Variants in MAST2 observed in about 807,000 individuals in gnomAD.
MAST2 encodes microtubule associated serine/threonine kinase 2.
Under a neutral mutation model 147.4 loss-of-function variants are expected in MAST2, and 70 were observed. That is an observed-to-expected ratio of 0.47 (90% CI 0.39 to 0.58). The LOEUF (loss-of-function observed/expected upper bound fraction) is 0.58. MAST2 is among the 20% of genes least tolerant of loss of function. MAST2 has a pLI of 0.00. For missense variants in MAST2, 2,080 were observed against 2,302.3 expected (o/e 0.90, Z 1.98); for synonymous variants, 869 against 896.8 (o/e 0.97, Z 0.55).
At chr1:45,947,323 A>C (rs1157229373) in intron 4 of MAST2, among the ~76,000 whole-genome samples, 5 of 151,856 alleles carry the variant, frequency 3.3e-5, no homozygotes, top group South Asian at 2.1e-4. Context: ...AAAAAAAAAA[A>C]AAAAAAAACC....
intron 21 of MAST2, 26 bp from the exon 22 acceptor site, chr1:46,030,581 C>T: frequency 1.3e-6 from 2 of 1,579,760 alleles, no homozygotes; most frequent in Non-Finnish European, 1.7e-6. Flanking sequence ...CAGAGCCCAT[C>T]CCCAGCGCAT....
intron 5 of MAST2, among the ~76,000 whole-genome samples, chr1:45,985,768 A>G (rs1446066715): frequency 6.6e-6 from 1 of 152,208 alleles, no homozygotes; most frequent in Non-Finnish European, 1.5e-5. Flanking sequence ...TTCTCCACCT[A>G]TTTAGATCAT....
At chr1:45,830,014 CT>C (rs1644905391) in intron 3 of MAST2, among the ~76,000 whole-genome samples, 1 of 151,628 alleles carries the variant, frequency 6.6e-6, no homozygotes, top group African/African-American at 2.4e-5. Flanking sequence ...GCCACCACCC[CT>C]GGCTAATTTT....
At chr1:45,822,954 G>A (rs1644681891) in intron 1 of MAST2, among the ~76,000 whole-genome samples, 1 of 152,108 alleles carries the variant, frequency 6.6e-6, no homozygotes, top group South Asian at 2.1e-4. Context: ...GCTACAGTTA[G>A]GTGCCTGGAC....
At chr1:45,970,804 T>TG (rs1643887598) in intron 5 of MAST2, among the ~76,000 whole-genome samples, 1 of 151,290 alleles carries the variant, frequency 6.6e-6, no homozygotes, top group African/African-American at 2.4e-5. Flanking sequence ...AAGTGTTTTT[T>TG]TTTTTTTTTT....
intron 4 of MAST2, among the ~76,000 whole-genome samples, chr1:45,947,448 C>G (rs1450480947): frequency 6.6e-6 from 1 of 152,038 alleles, no homozygotes; most frequent in Non-Finnish European, 1.5e-5. Context: ...AGCTTTAAAC[C>G]AAGCCCAGTG....
intron 18 of MAST2, 48 bp downstream of exon 18, chr1:46,028,981 C>T (rs1050407855): frequency 3.3e-5 from 50 of 1,519,782 alleles, no homozygotes; most frequent in Non-Finnish European, 4.3e-5. Context: ...TCTGAATCCA[C>T]AAATATGATG....
intron 4 of MAST2, among the ~76,000 whole-genome samples, chr1:45,943,128 A>G (rs1657548392): frequency 6.6e-6 from 1 of 152,210 alleles, no homozygotes; most frequent in South Asian, 2.1e-4. Context: ...ACAGTAGCAT[A>G]TGCAAGAGAA....
intron 3 of MAST2, among the ~76,000 whole-genome samples, chr1:45,835,754 C>A (rs1354664927): frequency 2.0e-5 from 3 of 152,096 alleles, no homozygotes; most frequent in Admixed American, 6.6e-5. Flanking sequence ...ATTAAACAGT[C>A]ATTATTCATT....
chr1:45,981,538 C>A (rs1644407294), intron 5 of MAST2, among the ~76,000 whole-genome samples: 1 of 152,154 alleles, frequency 6.6e-6, no homozygotes, highest in African/African-American at 2.4e-5. Flanking sequence ...AACCTTGTGG[C>A]CAATTTGTCA....
At chr1:46,009,654 T>C (rs1260814243) in intron 9 of MAST2, among the ~76,000 whole-genome samples, 1 of 152,192 alleles carries the variant, frequency 6.6e-6, no homozygotes, top group Non-Finnish European at 1.5e-5. Context: ...TTTTGTAGCA[T>C]TGGATGTTTG....
At chr1:45,909,640 G>T (rs980203817) in intron 4 of MAST2, among the ~76,000 whole-genome samples, 1 of 151,294 alleles carries the variant, frequency 6.6e-6, no homozygotes, top group Non-Finnish European at 1.5e-5. Context: ...ACCTCAGCCT[G>T]CCAAGTGGCT....
At chr1:45,808,080 A>G (rs1644192922) in intron 1 of MAST2, among the ~76,000 whole-genome samples, 1 of 152,158 alleles carries the variant, frequency 6.6e-6, no homozygotes, top group Non-Finnish European at 1.5e-5. Context: ...CTAGTATTTA[A>G]GAATACGTTC....
At chr1:45,996,977 T>G (rs1372889650) in intron 5 of MAST2, among the ~76,000 whole-genome samples, 1 of 151,876 alleles carries the variant, frequency 6.6e-6, no homozygotes, top group Non-Finnish European at 1.5e-5. Flanking sequence ...TTGAGTAGAG[T>G]CATATTAACA....
intron 1 of MAST2, among the ~76,000 whole-genome samples, chr1:45,816,644 T>G (rs1475997210): frequency 6.6e-6 from 1 of 152,276 alleles, no homozygotes; most frequent in African/African-American, 2.4e-5. Flanking sequence ...TCAGAGTCCT[T>G]TAATAGCAGA....
At chr1:45,956,102 A>C (rs920316065) in intron 4 of MAST2, among the ~76,000 whole-genome samples, 2 of 152,202 alleles carry the variant, frequency 1.3e-5, no homozygotes, top group Non-Finnish European at 2.9e-5. Flanking sequence ...TATAAATGGA[A>C]TTGGATCAAC....
intron 10 of MAST2, among the ~76,000 whole-genome samples, chr1:46,012,915 TG>T (rs1645774626): frequency 6.6e-6 from 1 of 151,896 alleles, no homozygotes; most frequent in Non-Finnish European, 1.5e-5. Context: ...CCTCTCAAAG[TG>T]CTGGGATTAC....
chr1:45,925,133 T>G (rs1654159953), intron 4 of MAST2, among the ~76,000 whole-genome samples: 1 of 152,210 alleles, frequency 6.6e-6, no homozygotes, highest in Admixed American at 6.5e-5. Flanking sequence ...CTTAAGGTCT[T>G]AAGCCTCTTT....
At chr1:46,021,010 T>A (rs1428899350) in intron 11 of MAST2, among the ~76,000 whole-genome samples, 2 of 152,044 alleles carry the variant, frequency 1.3e-5, no homozygotes, top group Non-Finnish European at 2.9e-5. Flanking sequence ...CAAAGCAAAT[T>A]CATGTGAGAT....
Sources: gnomAD v4.1 joint callset for allele counts (sites outside exome capture counted in the v4.1 genomes callset) on GRCh38, gnomAD v4.1.1 for gene constraint, MANE v1.5 for transcripts, NCBI Gene and HGNC (gene_info 2026-07-23, HGNC 2026-07-21) for gene names.